PELP1: variants seen among roughly 807,000 people sequenced by gnomAD.
PELP1 encodes the protein proline-, glutamic acid- and leucine-rich protein 1.
A neutral mutation model predicts 95.5 loss-of-function variants in PELP1; 32 were observed. The observed-to-expected ratio is 0.34, with a 90% confidence interval of 0.25 to 0.45. The LOEUF is 0.45. Ranked by LOEUF, PELP1 falls within the 20% of genes least tolerant of loss-of-function variation. PELP1 has a pLI of 1.00. For synonymous variants in PELP1, 668 were observed against 600.1 expected, an observed-to-expected ratio of 1.11 and a Z score of -1.65; for missense variants, 1,358 against 1,444.8, an observed-to-expected ratio of 0.94 and a Z score of 0.97.
In PELP1 at chr17:4,671,927, T is replaced by C. The variant is rs565199304; in HGVS notation, c.3064A>G (p.Thr1022Ala). The change falls in exon 16 of 17, where the codon ACA (threonine) becomes GCA (alanine). Residue 1022 changes from threonine (T) to alanine (A), a missense_variant. Physicochemically the swap from Thr to Ala is moderately conservative, Grantham distance 58 (BLOSUM62 0). This residue lies in a region of PELP1 where 283 missense variants were observed against 284.1 expected (regional missense o/e 1.00). Transcript: ENST00000572293. The part of the protein sequence containing the change: ...PGTEEERGAD[T>A]APTLAPEALP... The stretch of plus-strand genomic sequence containing the variant: ...GCTTCAGGGGCCAGGGTGGGAGCTG[T>C]GTCAGCCCCACGCTCCTCCTCCGTC... 6.6e-7 allele frequency: 1 copy of C among 1,521,540 alleles called. No individual in the cohort carries two copies. The highest frequency in any genetic ancestry group is 2.3e-5 in the East Asian group (1 of 44,122). The allele number at this position is 1,521,540 out of a possible 1,614,324, so 94.3% of individuals were successfully genotyped here. A position where few individuals can be genotyped will look rare whatever the true frequency, so the allele number is the denominator to read the frequency against.
intron 13 of PELP1, among the ~76,000 whole-genome samples, chr17:4,674,210 C>T (rs1003307446): frequency 2.6e-5 from 4 of 152,258 alleles, no homozygotes; most frequent in African/African-American, 9.6e-5. Flanking sequence ...GCTGTGTCGG[C>T]TACCAGAGCT....
intron 5 of PELP1, among the ~76,000 whole-genome samples, chr17:4,678,409 A>C (rs1321365706): frequency 6.6e-6 from 1 of 152,072 alleles, no homozygotes; most frequent in Non-Finnish European, 1.5e-5. Context: ...CAGGAGTTCA[A>C]GGTTACAGTG....
chr17:4,674,787 G>A (rs947818299), intron 12 of PELP1, 22 bp downstream of exon 12: 1 of 1,603,746 alleles, frequency 6.2e-7, no homozygotes, highest in African/African-American at 1.3e-5. Context: ...TGAGTCCTAA[G>A]GCGGAGCTGA....
intron 3 of PELP1, among the ~76,000 whole-genome samples, chr17:4,684,418 T>C (rs1912832793): frequency 6.6e-6 from 1 of 152,172 alleles, no homozygotes; most frequent in Non-Finnish European, 1.5e-5. Flanking sequence ...AAAACAGCAA[T>C]TACTTTTGCA....
chr17:4,677,746 T>C (rs1567662445), intron 5 of PELP1, among the ~76,000 whole-genome samples: 1 of 151,984 alleles, frequency 6.6e-6, no homozygotes, highest in Non-Finnish European at 1.5e-5. Context: ...CTGGGCAACA[T>C]GGAGAAACCC....
In PELP1 at chr17:4,686,439, C is replaced by G. The variant is rs531894125; in HGVS notation, c.421-3487G>C. Among the ~76,000 whole-genome samples, 10 of 152,330 alleles carry G rather than the reference C, an allele frequency of 6.6e-5. No homozygotes were observed. In the East Asian group the frequency reaches 1.9e-3, roughly 29 times the overall value. ...TGAATGTTCTCCTAGATTACTTTAG[C>G]AGCCATCTACATAGAGTTTCTGCTT... On this transcript the variant is annotated intron_variant, in intron 3 of 16. Coordinates refer to ENST00000572293, the MANE Select transcript of PELP1 (RefSeq NM_014389.3).
At chr17:4,698,092 A>G (rs934506970) in intron 1 of PELP1, among the ~76,000 whole-genome samples, 11 of 140,592 alleles carry the variant, frequency 7.8e-5, no homozygotes, top group Non-Finnish European at 1.5e-4. Flanking sequence ...TGATCCTCCC[A>G]CTTCGGCCTC....
In PELP1 at chr17:4,672,878, T is replaced by G. The variant is rs532240356; in HGVS notation, c.2113A>C (p.Thr705Pro). Residue 705 changes from threonine to proline, a missense_variant, in exon 16 of 17, where the codon ACA becomes CCA. By Grantham distance (38) the Thr-to-Pro change is conservative (BLOSUM62 -1). This residue lies in a region of PELP1 where 340 missense variants were observed against 322.9 expected (regional missense o/e 1.05). Coordinates refer to ENST00000572293, the MANE Select transcript of PELP1 (RefSeq NM_014389.3). ...VPSARPGPPTTANHLGLSVPG... is the reference protein window; with the variant it reads ...VPSARPGPPTPANHLGLSVPG... ...ACAGAAAGGCCTAGGTGGTTGGCTG[T>G]GGTGGGAGGTCCAGGGCGTGCCGAG... 18 of 1,613,646 alleles carry G rather than the reference T, an allele frequency of 1.1e-5. No homozygotes were observed. Among genetic ancestry groups the G allele is most frequent in the Non-Finnish European group, 1.4e-5 (17 of 1,179,768 alleles).
Position 4,673,430 on chromosome 17 carries a change from CA to C in PELP1, c.1664del (p.Leu555ArgfsTer11), listed in dbSNP as rs1912321794. On this transcript the variant is annotated frameshift_variant, in exon 15 of 17. Transcript: ENST00000572293. LOFTEE classifies it high-confidence loss of function. The surrounding 1 kb of genome is among the most constrained non-coding windows in gnomAD (Gnocchi z 5.7). ...CCTCACCCTGCTGTACACCCATGAC[CA>C]GGGGGAGGACCAGGTCATGCAGTCT... ...HRRLHDLVLP[L>X]VMGVQQGEVL... The C allele has an allele frequency of 2.5e-6, 4 of 1,594,096 alleles. No individual in the cohort carries two copies. The highest frequency in any genetic ancestry group is 1.8e-5 in the Admixed American group (1 of 56,560).
chr17:4,683,077 T>C (rs1912751505), intron 3 of PELP1, 125 bp from the exon 4 acceptor site: 2 of 1,334,356 alleles, frequency 1.5e-6, no homozygotes, highest in African/African-American at 1.5e-5. Context: ...TCCAAGCCAC[T>C]ACCTGGCAGA....
Position 4,672,047 on chromosome 17 carries a change from G to A in PELP1, c.2944C>T (p.Leu982=). ...VEEGAPPPPT[L]PPALPPPESP... is the part of the protein sequence containing the mutation. The stretch of plus-strand genomic sequence containing the variant: ...TCAGGGGGAGGCAGAGCTGGAGGCA[G>A]GGTTGGGGGTGGAGGTGCACCTTCT... Residue 982 remains leucine (L), a synonymous_variant, in exon 16 of 17, where the codon CTG becomes TTG. Transcript: ENST00000572293. 1 of 1,568,174 alleles carries A rather than the reference G, an allele frequency of 6.4e-7. No homozygotes were observed. Among genetic ancestry groups the A allele is most frequent in the Non-Finnish European group, 8.6e-7 (1 of 1,156,986 alleles).
chr17:4,691,315 T>C (rs369629190), intron 2 of PELP1, 63 bp downstream of exon 2: 10 of 1,141,526 alleles, frequency 8.8e-6, no homozygotes, highest in African/African-American at 1.5e-5. Context: ...AAAGCAAAGA[T>C]GTACATATGC....
In PELP1 at chr17:4,673,654, T is replaced by C. The variant is rs1912333770; in HGVS notation, c.1603A>G (p.Met535Val). The C allele has an allele frequency of 1.9e-6, 3 of 1,613,452 alleles. No individual in the cohort carries two copies. The highest frequency in any genetic ancestry group is 1.3e-5 in the African/African-American group (1 of 74,822). The change falls in exon 14 of 17, where the codon ATG becomes GTG. Residue 535 changes from methionine to valine, a missense_variant. Met to Val is a conservative substitution (Grantham distance 21). Transcript: ENST00000572293. The surrounding 1 kb of genome is among the most constrained non-coding windows in gnomAD (Gnocchi z 5.7). ...ALRGLSRTIL[M>V]CGPLIKEETH... ...TCCTCCTTGATGAGAGGCCCACACA[T>C]GAGGATGGTCCGGCTGAGGCCTGGG...
In PELP1 at chr17:4,676,434, C is replaced by T; in HGVS notation, c.776G>A (p.Ser259Asn). The T allele has an allele frequency of 6.2e-7, 1 of 1,613,896 alleles. No individual in the cohort carries two copies. The highest frequency in any genetic ancestry group is 8.5e-7 in the Non-Finnish European group (1 of 1,179,858). ...CAGACTGTGTAGCTCCTGCTCCCAG[C>T]TCTCGGTGTGCTTCAGGCCTTGGGA... The part of the protein sequence containing the change: ...GFSQGLKHTE[S>N]WEQELHSLLA... The change falls in exon 7 of 17, where the codon AGC becomes AAC. Residue 259 changes from serine to asparagine, a missense_variant. Physicochemically the swap from Ser to Asn is conservative, Grantham distance 46. Around this residue, in one of 7 missense-constraint regions of PELP1, gnomAD observed 538 missense variants for 628.1 expected, o/e 0.86. Coordinates refer to ENST00000572293, the MANE Select transcript of PELP1 (RefSeq NM_014389.3).
intron 3 of PELP1, among the ~76,000 whole-genome samples, chr17:4,690,432 T>C (rs1913059227): frequency 6.6e-6 from 1 of 151,858 alleles, no homozygotes; most frequent in Non-Finnish European, 1.5e-5. Flanking sequence ...AATAAAAATA[T>C]ATATATAGGC....
chr17:4,679,216 T>C (rs919091844), intron 5 of PELP1, among the ~76,000 whole-genome samples: 8 of 151,852 alleles, frequency 5.3e-5, no homozygotes, highest in Non-Finnish European at 1.2e-4. Context: ...TTGGTAGAGG[T>C]AGGGTTTCAC....
At chr17:4,674,698 C>T in intron 12 of PELP1, 29 bp from the exon 13 acceptor site, 1 of 1,591,078 alleles carries the variant, frequency 6.3e-7, no homozygotes, top group South Asian at 1.1e-5. Flanking sequence ...TAAATCACAT[C>T]CACAGGCAAA....
chr17:4,687,700 T>C (rs767369572), intron 3 of PELP1, among the ~76,000 whole-genome samples: 11 of 152,244 alleles, frequency 7.2e-5, no homozygotes, highest in South Asian at 2.1e-4. Context: ...ATTTACTTCA[T>C]AGAAAAAGCG....
intron 1 of PELP1, among the ~76,000 whole-genome samples, chr17:4,692,873 G>A (rs1170688581): frequency 6.6e-6 from 1 of 152,018 alleles, no homozygotes; most frequent in East Asian, 1.9e-4. Flanking sequence ...AGCTAGTTAT[G>A]GTGACACGCG....
Sources: allele counts gnomAD v4.1 joint callset (sites outside exome capture counted in the v4.1 genomes callset), GRCh38; gene constraint gnomAD v4.1.1; regional missense constraint gnomAD v4.1.1; non-coding constraint Gnocchi (gnomAD v3.1); transcripts MANE v1.5; gene names NCBI Gene and HGNC (gene_info 2026-07-23, HGNC 2026-07-21).